ROBO1: variants seen among roughly 807,000 people sequenced by gnomAD.
The protein encoded by ROBO1 is roundabout homolog 1.
Under a neutral mutation model 195.9 loss-of-function variants are expected in ROBO1, and 149 were observed. The ratio of observed to expected loss-of-function variants is 0.76; its 90% CI spans 0.67 to 0.87. The LOEUF (loss-of-function observed/expected upper bound fraction) is 0.87, where lower values mean the gene tolerates loss of function less well. Ranked by LOEUF, ROBO1 falls within the 40% of genes least tolerant of loss-of-function variation. ROBO1 has a pLI of 0.00. For synonymous variants in ROBO1, 816 were observed against 733.2 expected, an observed-to-expected ratio of 1.11 and a Z score of -1.82; for missense variants, 1,933 against 2,068.3, an observed-to-expected ratio of 0.93 and a Z score of 1.27.
At chr3:78,948,112 C>A (rs1560035944) in intron 3 of ROBO1, among the ~76,000 whole-genome samples, 1 of 152,220 alleles carries the variant, frequency 6.6e-6, no homozygotes, top group East Asian at 1.9e-4. Context: ...GAGCTGGTAC[C>A]ATTCCTTCTT....
chr3:79,592,839 T>C (rs1208990100), intron 1 of ROBO1, among the ~76,000 whole-genome samples: 2 of 152,078 alleles, frequency 1.3e-5, no homozygotes, highest in South Asian at 2.1e-4. Context: ...TCAAACATCA[T>C]AGTATCATAC....
At chr3:79,754,328 G>A (rs1463888580) in intron 1 of ROBO1, among the ~76,000 whole-genome samples, 1 of 152,182 alleles carries the variant, frequency 6.6e-6, no homozygotes, top group Non-Finnish European at 1.5e-5. Flanking sequence ...GGTCTATGCT[G>A]TAACCTGAGG....
At chr3:78,711,309 TTC>T (rs1182269455) in intron 8 of ROBO1, among the ~76,000 whole-genome samples, 1 of 149,490 alleles carries the variant, frequency 6.7e-6, no homozygotes, top group Non-Finnish European at 1.5e-5. Context: ...CTTTCTTTCT[TTC>T]TTTCTCTCTC....
intron 2 of ROBO1, among the ~76,000 whole-genome samples, chr3:79,282,889 G>A (rs919105739): frequency 1.3e-5 from 2 of 152,084 alleles, no homozygotes; most frequent in African/African-American, 4.8e-5. Flanking sequence ...ATAAGACTTA[G>A]CTAATAAATA....
intron 2 of ROBO1, among the ~76,000 whole-genome samples, chr3:79,573,182 G>A (rs1943338849): frequency 1.3e-5 from 2 of 152,096 alleles, no homozygotes; most frequent in African/African-American, 2.4e-5. Flanking sequence ...CCGAGTGGCT[G>A]GGACTACAGG....
chr3:78,762,615 CAG>C (rs1291787166), intron 4 of ROBO1, among the ~76,000 whole-genome samples: 1 of 151,874 alleles, frequency 6.6e-6, no homozygotes, highest in Admixed American at 6.6e-5. Context: ...TTCTCCAGGT[CAG>C]AACTATAGAG....
intron 2 of ROBO1, among the ~76,000 whole-genome samples, chr3:79,466,449 G>T (rs761417224): frequency 4.6e-5 from 7 of 152,238 alleles, no homozygotes; most frequent in Non-Finnish European, 8.8e-5. Flanking sequence ...CAAAGAGATC[G>T]ATACAGCTCA....
intron 1 of ROBO1, among the ~76,000 whole-genome samples, chr3:79,620,427 C>T (rs769181811): frequency 1.8e-4 from 28 of 152,108 alleles, no homozygotes; most frequent in Non-Finnish European, 3.5e-4. Context: ...TTTTCAAGGG[C>T]CCCTTTCCCT....
At chr3:79,129,143 C>T (rs2080274694) in intron 2 of ROBO1, among the ~76,000 whole-genome samples, 1 of 152,190 alleles carries the variant, frequency 6.6e-6, no homozygotes, top group Non-Finnish European at 1.5e-5. Context: ...TCTCACTCAA[C>T]ACTAAACTGA....
In ROBO1 at chr3:79,476,429, A is replaced by C. The variant is rs138559615; in HGVS notation, c.88+113395T>G. ...CTGAGTATCTACTCAGAGGAAAAGA[A>C]GTCATTATGCGAAAAAGATACTTGC... On this transcript the variant is annotated intron_variant, in intron 2 of 30. Transcript: ENST00000464233. Among the ~76,000 whole-genome samples, 571 of 152,282 alleles carry C rather than the reference A, an allele frequency of 3.7e-3. 2 individuals are homozygous for C. The highest frequency in any genetic ancestry group is 0.013 in the African/African-American group (546 of 41,568).
intron 4 of ROBO1, among the ~76,000 whole-genome samples, chr3:78,860,326 A>ATATATATATATATATATATT (rs376853384): frequency 5.3e-5 from 5 of 93,504 alleles, no homozygotes; most frequent in African/African-American, 1.8e-4. Flanking sequence ...ATATATATAT[A>ATATATATATATATATATATT]TTTTTTTTTT....
chr3:78,628,830 A>G (rs938268520), intron 25 of ROBO1, among the ~76,000 whole-genome samples: 2 of 152,090 alleles, frequency 1.3e-5, no homozygotes, highest in African/African-American at 4.8e-5. Flanking sequence ...ATTCATTTCT[A>G]TTCTGTCAAT....
At chr3:79,743,147 T>G (rs1703720883) in intron 1 of ROBO1, among the ~76,000 whole-genome samples, 1 of 152,210 alleles carries the variant, frequency 6.6e-6, no homozygotes, top group Admixed American at 6.5e-5. Context: ...AAATGCATCC[T>G]TAGGCAATTT....
intron 3 of ROBO1, among the ~76,000 whole-genome samples, chr3:79,061,309 T>C (rs1576628282): frequency 1.3e-5 from 2 of 152,186 alleles, no homozygotes; most frequent in South Asian, 4.2e-4. Flanking sequence ...GTGAAGGACC[T>C]CTTCAAGGAG....
intron 3 of ROBO1, among the ~76,000 whole-genome samples, chr3:78,972,848 T>C (rs1375668300): frequency 1.3e-5 from 2 of 152,184 alleles, no homozygotes; most frequent in Non-Finnish European, 2.9e-5. Flanking sequence ...ATGACTAATG[T>C]TGGGGAAACT....
chr3:79,621,504 C>T (rs948486371), intron 1 of ROBO1, among the ~76,000 whole-genome samples: 2 of 152,152 alleles, frequency 1.3e-5, no homozygotes, highest in Non-Finnish European at 2.9e-5. Context: ...ATCCTAAAAG[C>T]ATTTAGAGAG....
At chr3:79,751,146 T>C (rs1433454187) in intron 1 of ROBO1, among the ~76,000 whole-genome samples, 1 of 152,206 alleles carries the variant, frequency 6.6e-6, no homozygotes, top group East Asian at 1.9e-4. Context: ...TATCTTGCTG[T>C]TGAATCTTAA....
intron 4 of ROBO1, among the ~76,000 whole-genome samples, chr3:78,927,911 G>T (rs924112160): frequency 6.6e-6 from 1 of 152,114 alleles, no homozygotes; most frequent in Non-Finnish European, 1.5e-5. Context: ...CCATATACAT[G>T]GAAGGAATCA....
chr3:78,598,903 T>C lies in ROBO1; in HGVS notation c.*10A>G. On this transcript the variant is annotated 3_prime_UTR_variant, in exon 31 of 31. Coordinates refer to ENST00000464233, the MANE Select transcript of ROBO1 (RefSeq NM_002941.4). ...TTTCACATTAGATCTCATAAGCCTC[T>C]TGGTTGTCTTCAGCTTTCAGTTTCC... is the stretch of plus-strand genomic sequence containing the variant. The C allele has an allele frequency of 6.4e-7, 1 of 1,566,370 alleles. No homozygotes were observed. The highest frequency in any genetic ancestry group is 8.7e-7 in the Non-Finnish European group (1 of 1,151,090).
Sources: gnomAD v4.1 joint callset for allele counts (sites outside exome capture counted in the v4.1 genomes callset) on GRCh38, gnomAD v4.1.1 for gene constraint, MANE v1.5 for transcripts, NCBI Gene and HGNC (gene_info 2026-07-23, HGNC 2026-07-21) for gene names.